Variants in ELL2 observed in about 807,000 individuals in gnomAD.
The protein encoded by ELL2 is RNA polymerase II elongation factor ELL2.
Under a neutral mutation model 72.8 loss-of-function variants are expected in ELL2, and 21 were observed. That is an observed-to-expected ratio of 0.29 (90% CI 0.20 to 0.42). The LOEUF (loss-of-function observed/expected upper bound fraction) is 0.42, where lower values mean the gene tolerates loss of function less well. ELL2 is among the 10% of genes least tolerant of loss of function. The pLI is 1.00. For missense variants in ELL2, 568 were observed against 772.8 expected, an observed-to-expected ratio of 0.73 and a Z score of 3.14; for synonymous variants, 266 against 283.2, an observed-to-expected ratio of 0.94 and a Z score of 0.61.
chr5:95,960,334 C>T (rs1198426930), intron 1 of ELL2, among the ~76,000 whole-genome samples: 1 of 151,982 alleles, frequency 6.6e-6, no homozygotes, highest in African/African-American at 2.4e-5. Flanking sequence ...GATGTATCCA[C>T]TCCGGTCTCC....
At position 95,898,393 on chromosome 5, in the gene ELL2, A is replaced by T; in HGVS notation, c.1372T>A (p.Ser458Thr). 1 of 1,613,238 alleles carries T rather than the reference A, an allele frequency of 6.2e-7. No homozygotes were observed. Among genetic ancestry groups the T allele is most frequent in the Non-Finnish European group, 8.5e-7 (1 of 1,179,856 alleles). ...GACTTCTTTTTGGACTTTTTGTGAG[A>T]CATTGAATGGTTTTCTTCCATAGGC... is the stretch of plus-strand genomic sequence containing the variant. ...PKPMEENHSM[S>T]HKKSKKKSKK... Residue 458 changes from serine to threonine, a missense_variant, in exon 8 of 12, where the codon TCT becomes ACT. Transcript: ENST00000237853.
At chr5:95,948,874 C>T (rs1414486999) in intron 1 of ELL2, among the ~76,000 whole-genome samples, 2 of 152,200 alleles carry the variant, frequency 1.3e-5, no homozygotes, top group East Asian at 1.9e-4. Flanking sequence ...ACTCCTTCAA[C>T]AACCTGATAA....
rs1561504243 is a variant in ELL2, at chr5:95,927,408, CGTGTGTATATAG to C, written c.196-7875_196-7864del. Reference sequence around the variant, plus strand: ...GTGTGTATATATAGACATACACACACGTGTGTATATAGACATACACACACACGTGTGTATATA... The same window carrying C: ...GTGTGTATATATAGACATACACACACACATACACACACACGTGTGTATATA... On this transcript the variant is annotated intron_variant, in intron 2 of 11. Coordinates refer to ENST00000237853, the MANE Select transcript of ELL2 (RefSeq NM_012081.6). Among the ~76,000 whole-genome samples the C allele has an allele frequency of 3.0e-3, 76 of 25,496 alleles. 13 individuals are homozygous for C. Among genetic ancestry groups the C allele is most frequent in the Non-Finnish European group, 3.5e-3 (49 of 13,984 alleles). The allele number at this position is 25,496 out of a possible 152,430, so 16.7% of individuals were successfully genotyped here.
chr5:95,918,631 C>T (rs573235276), intron 3 of ELL2, among the ~76,000 whole-genome samples: 5 of 152,214 alleles, frequency 3.3e-5, no homozygotes, highest in Non-Finnish European at 5.9e-5. Context: ...CACAGAGATA[C>T]GCTGGTCTAG....
At chr5:95,953,846 G>A (rs980006087) in intron 1 of ELL2, among the ~76,000 whole-genome samples, 24 of 152,262 alleles carry the variant, frequency 1.6e-4, no homozygotes, top group Middle Eastern at 6.8e-3. Context: ...ACGTTATATA[G>A]AGTTACTTAC....
chr5:95,919,370 A>C, intron 3 of ELL2, 54 bp downstream of exon 3: 2 of 1,555,584 alleles, frequency 1.3e-6, no homozygotes, highest in South Asian at 2.5e-5. Flanking sequence ...AATTTTCTAA[A>C]ACCCTCTTAA....
chr5:95,925,959 C>T (rs1750265964), intron 2 of ELL2, among the ~76,000 whole-genome samples: 1 of 152,142 alleles, frequency 6.6e-6, no homozygotes, highest in Admixed American at 6.5e-5. Flanking sequence ...CAAATTATTT[C>T]TAGACTCTTG....
chr5:95,950,474 AAT>A (rs1751331301), intron 1 of ELL2, among the ~76,000 whole-genome samples: 1 of 152,230 alleles, frequency 6.6e-6, no homozygotes, highest in African/African-American at 2.4e-5. Context: ...GAAGAAATAA[AAT>A]ACACTCAGCT....
chr5:95,952,811 A>C (rs548372368), intron 1 of ELL2, among the ~76,000 whole-genome samples: 1 of 152,348 alleles, frequency 6.6e-6, no homozygotes, highest in Non-Finnish European at 1.5e-5. Context: ...AATTCAAAGG[A>C]CTAAATGAAC....
At chr5:95,950,989 G>T (rs959118475) in intron 1 of ELL2, among the ~76,000 whole-genome samples, 1 of 132,748 alleles carries the variant, frequency 7.5e-6, no homozygotes, top group East Asian at 2.2e-4. Flanking sequence ...TAAATCTTAG[G>T]ATTTCAAATA....
chr5:95,908,806 C>G (rs1473338690), intron 4 of ELL2, among the ~76,000 whole-genome samples: 2 of 152,148 alleles, frequency 1.3e-5, no homozygotes, highest in African/African-American at 2.4e-5. Flanking sequence ...ACTCCCTCCC[C>G]CTTAACAAGT....
At chr5:95,954,504 TC>T (rs1326857657) in intron 1 of ELL2, among the ~76,000 whole-genome samples, 2 of 150,436 alleles carry the variant, frequency 1.3e-5, no homozygotes, top group Non-Finnish European at 3.0e-5. Flanking sequence ...CCTCCCGGGT[TC>T]ACACCATTCT....
chr5:95,915,230 G>A (rs908892219), intron 3 of ELL2, among the ~76,000 whole-genome samples: 6 of 152,156 alleles, frequency 3.9e-5, no homozygotes, highest in East Asian at 1.9e-4. Flanking sequence ...AGCCTCCCAA[G>A]TAGCTGGGAC....
chr5:95,929,848 C>A (rs1750534596), intron 2 of ELL2, among the ~76,000 whole-genome samples: 1 of 151,120 alleles, frequency 6.6e-6, no homozygotes, highest in Non-Finnish European at 1.5e-5. Flanking sequence ...GTACAAATGT[C>A]AGGGTGAGAA....
intron 1 of ELL2, among the ~76,000 whole-genome samples, chr5:95,958,236 G>C (rs778813930): frequency 6.6e-6 from 1 of 152,214 alleles, no homozygotes; most frequent in Non-Finnish European, 1.5e-5. Flanking sequence ...GCCAATCCAT[G>C]TGAACATGTT....
At position 95,961,651 on chromosome 5, in the gene ELL2, T is replaced by G; in HGVS notation, c.71A>C (p.Gln24Pro). 6.2e-7 allele frequency: 1 copy of G among 1,610,574 alleles called. No homozygotes were observed. The highest frequency in any genetic ancestry group is 1.1e-5 in the South Asian group (1 of 90,742). Residue 24 changes from glutamine to proline, a missense_variant, in exon 1 of 12, where the codon CAG (glutamine) becomes CCG (proline). Physicochemically the swap from Gln to Pro is moderately conservative, Grantham distance 76 (BLOSUM62 -1). Transcript: ENST00000237853. ...RYGLSCGRLG[Q>P]DNITVLHVKL... ...CACATGCAGTACGGTGATGTTGTCC[T>G]GCCCCAGCCGTCCGCACGACAGCCC...
intron 2 of ELL2, among the ~76,000 whole-genome samples, chr5:95,921,771 G>A (rs1339139142): frequency 6.6e-6 from 1 of 152,196 alleles, no homozygotes; most frequent in Non-Finnish European, 1.5e-5. Flanking sequence ...GATATGCCTA[G>A]ATAGGTAAGA....
Position 95,888,703 on chromosome 5 carries a change from G to A in ELL2, c.*168C>T. 1 of 469,194 alleles carries A rather than the reference G, an allele frequency of 2.1e-6. No homozygotes were observed. Among genetic ancestry groups the A allele is most frequent in the Non-Finnish European group, 3.6e-6 (1 of 274,324 alleles). The allele number at this position is 469,194 out of a possible 1,614,324, so 29.1% of individuals were successfully genotyped here. A position where few individuals can be genotyped will look rare whatever the true frequency, so the allele number is the denominator to read the frequency against. On this transcript the variant is annotated 3_prime_UTR_variant, in exon 12 of 12. Coordinates refer to ENST00000237853, the MANE Select transcript of ELL2 (RefSeq NM_012081.6). ...GGGGAGGACCAGAAAGAGCAGCTTCGAAATGCAGGGAAGCAAAGTAAAATG... is the reference window on the plus strand; with the variant it reads ...GGGGAGGACCAGAAAGAGCAGCTTCAAAATGCAGGGAAGCAAAGTAAAATG...
At chr5:95,945,790 G>T (rs943583472) in intron 1 of ELL2, among the ~76,000 whole-genome samples, 1 of 152,226 alleles carries the variant, frequency 6.6e-6, no homozygotes, top group African/African-American at 2.4e-5. Context: ...GGGCAGGTCT[G>T]TATGTGTACG....
Sources: allele counts gnomAD v4.1 joint callset (sites outside exome capture counted in the v4.1 genomes callset), GRCh38; gene constraint gnomAD v4.1.1; transcripts MANE v1.5; gene names NCBI Gene and HGNC (gene_info 2026-07-23, HGNC 2026-07-21).